USP33: variants seen among roughly 807,000 people sequenced by gnomAD.
USP33 encodes the protein ubiquitin carboxyl-terminal hydrolase 33.
A neutral mutation model predicts 124.2 loss-of-function variants in USP33; 46 were observed. That is an observed-to-expected ratio of 0.37 (90% CI 0.29 to 0.47). USP33 has a LOEUF of 0.47. Among genes scored for constraint, USP33 ranks in the 20% least tolerant of loss-of-function variants. USP33 has a pLI of 0.99. For synonymous variants in USP33, 350 were observed against 352.3 expected (o/e 0.99, Z 0.07); for missense variants, 851 against 1,070.6 (o/e 0.79, Z 2.86).
intron 22 of USP33, among the ~76,000 whole-genome samples, chr1:77,700,615 T>C (rs1349484570): frequency 6.6e-6 from 1 of 151,970 alleles, no homozygotes; most frequent in South Asian, 2.1e-4. Flanking sequence ...TCTCTATTAA[T>C]TTAAAATTTT....
chr1:77,728,750 C>G, intron 9 of USP33, 38 bp from the exon 10 acceptor site: 4 of 1,577,104 alleles, frequency 2.5e-6, no homozygotes, highest in Non-Finnish European at 3.4e-6. Flanking sequence ...CACTTCATTA[C>G]ATGTGTATAT....
intron 1 of USP33, among the ~76,000 whole-genome samples, chr1:77,754,064 T>C (rs1406297835): frequency 2.0e-5 from 3 of 152,092 alleles, no homozygotes; most frequent in African/African-American, 4.8e-5. Flanking sequence ...CAATCAACGG[T>C]GAAGACTTCG....
At chr1:77,732,291 T>C (rs893267913) in intron 7 of USP33, among the ~76,000 whole-genome samples, 12 of 152,114 alleles carry the variant, frequency 7.9e-5, no homozygotes, top group African/African-American at 2.9e-4. Context: ...TTTCTCTAGT[T>C]ACTCTACCCA....
At chr1:77,724,529 A>G (rs1676941917) in intron 11 of USP33, among the ~76,000 whole-genome samples, 2 of 152,208 alleles carry the variant, frequency 1.3e-5, no homozygotes, top group Admixed American at 1.3e-4. Context: ...CCTGGAAGGA[A>G]TACTAAATGG....
Position 77,748,779 on chromosome 1 carries a change from T to TG in USP33, c.-51-7032_-51-7031insC, listed in dbSNP as rs1428350967. On this transcript the variant is annotated intron_variant, in intron 1 of 23. Coordinates refer to ENST00000370794, the MANE Select transcript of USP33 (RefSeq NM_201624.3). ...TTCTTTTTTGGCAGCATTCCTTCCCTCCCCCCCCCCCCCGTGCTTGAATCA... is the reference window on the plus strand; with the variant it reads ...TTCTTTTTTGGCAGCATTCCTTCCCTGCCCCCCCCCCCCCGTGCTTGAATCA... 4.2e-5 allele frequency among the ~76,000 whole-genome samples: 2 copies of TG among 47,632 alleles called. 1 individual carries two copies. The highest frequency in any genetic ancestry group is 6.4e-4 in the Admixed American group (2 of 3,148). The allele number at this position is 47,632 out of a possible 152,430, so 31.2% of individuals were successfully genotyped here. A position where few individuals can be genotyped will look rare whatever the true frequency, so the allele number is the denominator to read the frequency against.
At chr1:77,750,688 A>G (rs920244867) in intron 1 of USP33, among the ~76,000 whole-genome samples, 13 of 146,638 alleles carry the variant, frequency 8.9e-5, no homozygotes, top group South Asian at 4.4e-4. Context: ...AAGAAAGAAA[A>G]AGGAAAAGAA....
chr1:77,698,502 T>G (rs1013797246), intron 22 of USP33, among the ~76,000 whole-genome samples: 7 of 146,018 alleles, frequency 4.8e-5, no homozygotes, highest in African/African-American at 1.3e-4. Flanking sequence ...AATGTTTTGT[T>G]TTTTTTTTTT....
Position 77,754,127 on chromosome 1 carries a change from C to T in USP33, c.-52+5516G>A, listed in dbSNP as rs945283044. ...AGGAGCATGTTCCCCATAATTGTTA[C>T]ACAGAGGTTGGGTAACTGTCAGAGG... On this transcript the variant is annotated intron_variant, in intron 1 of 23. Transcript: ENST00000370794. 6.0e-4 allele frequency among the ~76,000 whole-genome samples: 91 copies of T among 152,248 alleles called. 1 individual carries two copies. The highest frequency in any genetic ancestry group is 2.2e-3 in the African/African-American group (90 of 41,566).
At position 77,697,296 on chromosome 1, in the gene USP33, G is replaced by C. The variant is rs1673511550; in HGVS notation, c.*21C>G. On this transcript the variant is annotated 3_prime_UTR_variant, in exon 24 of 24. Coordinates refer to ENST00000370794, the MANE Select transcript of USP33 (RefSeq NM_201624.3). Reference sequence around the variant, plus strand: ...GGCACATGAAAATGATTCCTCATTAGAACTCTCTACATCCTAAAAATTACA... The same window carrying C: ...GGCACATGAAAATGATTCCTCATTACAACTCTCTACATCCTAAAAATTACA... 1.3e-6 allele frequency: 2 copies of C among 1,571,880 alleles called. No individual in the cohort carries two copies. The highest frequency in any genetic ancestry group is 1.7e-6 in the Non-Finnish European group (2 of 1,161,756).
At position 77,704,602 on chromosome 1, in the gene USP33, T is replaced by TA. The variant is rs563950709; in HGVS notation, c.2407-3132dup. Among the ~76,000 whole-genome samples, 476 of 152,322 alleles carry TA rather than the reference T, an allele frequency of 3.1e-3. 3 individuals are homozygous for TA. The highest frequency in any genetic ancestry group is 4.4e-3 in the Admixed American group (67 of 15,292). On this transcript the variant is annotated intron_variant, in intron 21 of 23. Transcript: ENST00000370794. Reference sequence around the variant, plus strand: ...ATGTAGTTCTCACTCTGTTCTCTTTTAAAAAATACATAATAGAAAAACAAT... The same window carrying TA: ...ATGTAGTTCTCACTCTGTTCTCTTTTAAAAAAATACATAATAGAAAAACAAT...
At chr1:77,718,084 A>G in intron 16 of USP33, 37 bp from the exon 17 acceptor site, 4 of 1,528,206 alleles carry the variant, frequency 2.6e-6, no homozygotes, top group East Asian at 2.3e-5. Context: ...ATTTGTCAAT[A>G]CAGAAAACAA....
intron 1 of USP33, 76 bp from the exon 2 acceptor site, chr1:77,741,824 A>T (rs1679153792): frequency 3.0e-6 from 4 of 1,333,270 alleles, no homozygotes; most frequent in Non-Finnish European, 4.0e-6. Flanking sequence ...AAATAAAAAA[A>T]TTAAAATGTT....
intron 18 of USP33, 146 bp downstream of exon 18, chr1:77,715,596 C>G: frequency 1.2e-6 from 1 of 853,564 alleles, no homozygotes; most frequent in South Asian, 2.1e-5. Flanking sequence ...TCTACATATA[C>G]AGCCTTTCAC....
At position 77,712,217 on chromosome 1, in the gene USP33, A is replaced by G. The variant is rs547364941; in HGVS notation, c.2298-362T>C. ...GAAGGCCTCCCCTGGCCTCTCAAGT[A>G]AGAAGCATTCAATGTATGAATTATT... On this transcript the variant is annotated intron_variant, in intron 20 of 23. Transcript: ENST00000370794. Among the ~76,000 whole-genome samples the G allele has an allele frequency of 4.6e-5, 7 of 152,398 alleles. No individual in the cohort carries two copies. In the South Asian group the frequency reaches 8.3e-4, roughly 18 times the overall value.
intron 17 of USP33, among the ~76,000 whole-genome samples, chr1:77,716,968 C>T (rs941296058): frequency 6.6e-6 from 1 of 151,436 alleles, no homozygotes; most frequent in African/African-American, 2.4e-5. Flanking sequence ...CAGGTTCAAG[C>T]GATTCTCCTG....
chr1:77,758,500 G>T (rs1348622785), intron 1 of USP33, among the ~76,000 whole-genome samples: 2 of 152,084 alleles, frequency 1.3e-5, no homozygotes, highest in African/African-American at 4.8e-5. Context: ...TCCTGCCAAA[G>T]TAATGAAATA....
At chr1:77,701,608 T>C in intron 21 of USP33, 137 bp from the exon 22 acceptor site, 1 of 648,030 alleles carries the variant, frequency 1.5e-6, no homozygotes, top group Non-Finnish European at 2.7e-6. Context: ...AACCCAGGAG[T>C]TCCAAACCAG....
chr1:77,705,667 TAA>T (rs113310451), intron 21 of USP33, among the ~76,000 whole-genome samples: 6 of 143,222 alleles, frequency 4.2e-5, no homozygotes, highest in Admixed American at 7.0e-5. Flanking sequence ...AGATTTGCTT[TAA>T]AAAAAAAAAA....
intron 1 of USP33, among the ~76,000 whole-genome samples, chr1:77,757,554 A>G (rs1203613841): frequency 6.6e-6 from 1 of 151,844 alleles, no homozygotes; most frequent in Non-Finnish European, 1.5e-5. Context: ...TAAAGTTTAA[A>G]AACTACACTA....
Sources: gnomAD v4.1 joint callset for allele counts (sites outside exome capture counted in the v4.1 genomes callset) on GRCh38, gnomAD v4.1.1 for gene constraint, MANE v1.5 for transcripts, NCBI Gene and HGNC (gene_info 2026-07-23, HGNC 2026-07-21) for gene names.